Variants in TSNARE1 observed in about 807,000 individuals in gnomAD.
TSNARE1 encodes the protein t-SNARE domain containing 1.
A neutral mutation model predicts 62.0 loss-of-function variants in TSNARE1; 49 were observed. That is an observed-to-expected ratio of 0.79 (90% CI 0.63 to 1.00). TSNARE1 has a LOEUF of 1.00. Ranked by LOEUF, TSNARE1 falls within the 50% of genes least tolerant of loss-of-function variation. The pLI is 0.00. For synonymous variants in TSNARE1, 328 were observed against 294.4 expected (o/e 1.11, Z -1.17); for missense variants, 755 against 700.1 (o/e 1.08, Z -0.88).
intron 13 of TSNARE1, among the ~76,000 whole-genome samples, chr8:142,218,027 G>C (rs1309260545): frequency 8.6e-6 from 1 of 116,678 alleles, no homozygotes; most frequent in African/African-American, 3.7e-5. Flanking sequence ...GCCAGGATCA[G>C]GGCCCAGTAT....
At chr8:142,274,066 G>A in intron 12 of TSNARE1, 5 of 985,338 alleles carry the variant, frequency 5.1e-6, no homozygotes, top group Non-Finnish European at 6.0e-6. Flanking sequence ...CGTGGCCCAT[G>A]CCACCCTCAC....
intron 11 of TSNARE1, chr8:142,276,560 T>C (rs543686138): frequency 5.1e-6 from 5 of 985,438 alleles, no homozygotes; most frequent in South Asian, 9.4e-5. Context: ...AGGAAGGCCA[T>C]GGTGGTCTGG....
At chr8:142,308,589 G>A (rs1343586205) in intron 9 of TSNARE1, among the ~76,000 whole-genome samples, 1 of 151,978 alleles carries the variant, frequency 6.6e-6, no homozygotes, top group Non-Finnish European at 1.5e-5. Context: ...TCCACGGCTT[G>A]GTGTGTCCGT....
At chr8:142,317,512 G>A (rs933166881) in intron 7 of TSNARE1, among the ~76,000 whole-genome samples, 11 of 152,234 alleles carry the variant, frequency 7.2e-5, no homozygotes, top group Admixed American at 7.2e-4. Flanking sequence ...CTTATGAAGC[G>A]GGTTCGGGCC....
At chr8:142,344,845 G>A (rs759180282) in intron 3 of TSNARE1, among the ~76,000 whole-genome samples, 4 of 152,186 alleles carry the variant, frequency 2.6e-5, no homozygotes, top group East Asian at 1.9e-4. Context: ...GGCTGCTCCC[G>A]GGATCAGCCC....
chr8:142,253,817 C>A (rs1818296167), intron 12 of TSNARE1, among the ~76,000 whole-genome samples: 1 of 152,188 alleles, frequency 6.6e-6, no homozygotes. Flanking sequence ...CGGCACGTGG[C>A]CCATGTTGTG....
chr8:142,297,708 C>T (rs1287279865), intron 10 of TSNARE1, among the ~76,000 whole-genome samples: 1 of 152,240 alleles, frequency 6.6e-6, no homozygotes, highest in African/African-American at 2.4e-5. Context: ...CTGGCACGTG[C>T]GACCTCCGCT....
chr8:142,227,228 A>G (rs1481843211), intron 13 of TSNARE1, among the ~76,000 whole-genome samples: 3 of 146,686 alleles, frequency 2.0e-5, no homozygotes, highest in Admixed American at 6.7e-5. Context: ...AGTGACAGCC[A>G]GGCCCTACAT....
At chr8:142,357,137 G>C (rs1394519155) in intron 1 of TSNARE1, among the ~76,000 whole-genome samples, 1 of 152,192 alleles carries the variant, frequency 6.6e-6, no homozygotes, top group African/African-American at 2.4e-5. Flanking sequence ...GTTCCAGAAA[G>C]AAGGACAGGA....
chr8:142,277,128 C>A (rs112067906), intron 11 of TSNARE1: 7 of 985,360 alleles, frequency 7.1e-6, no homozygotes, highest in African/African-American at 1.7e-5. Flanking sequence ...GTCTTGGAGG[C>A]CCCCAGTCTG....
At chr8:142,405,395 G>A (rs1169201823), upstream of TSNARE1, 2 of 151,038 alleles carry the variant, frequency 1.3e-5, no homozygotes, top group African/African-American at 2.5e-5. Context: ...GAGACCAACA[G>A]GGTGAATAAG....
chr8:142,392,991 C>CT (rs1202019887), intron 1 of TSNARE1, among the ~76,000 whole-genome samples: 2 of 151,526 alleles, frequency 1.3e-5, no homozygotes, highest in Admixed American at 1.3e-4. Context: ...AGAGTGGCTG[C>CT]TGTGGAGATG....
At chr8:142,234,239 G>A (rs528617402) in intron 12 of TSNARE1, among the ~76,000 whole-genome samples, 31 of 148,948 alleles carry the variant, frequency 2.1e-4, no homozygotes, top group African/African-American at 5.9e-4. Context: ...CCAGGATGGC[G>A]CCATGACCCC....
chr8:142,338,379 T>C (rs1832067879), intron 4 of TSNARE1, among the ~76,000 whole-genome samples: 1 of 151,724 alleles, frequency 6.6e-6, no homozygotes, highest in African/African-American at 2.4e-5. Flanking sequence ...CACGAGGGGG[T>C]CCCCAGGGCA....
chr8:142,320,958 T>C (rs574687233), intron 6 of TSNARE1, among the ~76,000 whole-genome samples: 2 of 152,194 alleles, frequency 1.3e-5, no homozygotes, highest in Non-Finnish European at 2.9e-5. Flanking sequence ...CTTTTCTCTT[T>C]CCAGGCAGGA....
chr8:142,255,063 G>A (rs755743477), intron 12 of TSNARE1, among the ~76,000 whole-genome samples: 2 of 152,060 alleles, frequency 1.3e-5, no homozygotes, highest in African/African-American at 4.8e-5. Flanking sequence ...TCCCATAACA[G>A]AGAACAGCAG....
chr8:142,298,120 C>G (rs573576897), intron 10 of TSNARE1, among the ~76,000 whole-genome samples: 59 of 152,342 alleles, frequency 3.9e-4, no homozygotes, highest in African/African-American at 1.4e-3. Flanking sequence ...CACCTGGGTC[C>G]TCTGGTCTAG....
At chr8:142,382,989 G>C (rs1465089269) in intron 1 of TSNARE1, among the ~76,000 whole-genome samples, 1 of 152,184 alleles carries the variant, frequency 6.6e-6, no homozygotes, top group Non-Finnish European at 1.5e-5. Context: ...GGGGGGAAAG[G>C]AGGGCAGGGG....
intron 1 of TSNARE1, among the ~76,000 whole-genome samples, chr8:142,380,832 T>C (rs1248283348): frequency 1.3e-5 from 2 of 152,114 alleles, no homozygotes; most frequent in Admixed American, 1.3e-4. Context: ...CTGAGTTTTC[T>C]ACAAGGAACG....
Sources: gnomAD v4.1 joint callset for allele counts (sites outside exome capture counted in the v4.1 genomes callset) on GRCh38, gnomAD v4.1.1 for gene constraint, MANE v1.5 for transcripts, NCBI Gene and HGNC (gene_info 2026-07-23, HGNC 2026-07-21) for gene names.